Variants in SGCD observed in about 807,000 individuals in gnomAD.
SGCD encodes the protein delta-sarcoglycan.
A neutral mutation model predicts 36.6 loss-of-function variants in SGCD; 18 were observed. The ratio of observed to expected loss-of-function variants is 0.49; its 90% CI spans 0.34 to 0.73. The LOEUF (loss-of-function observed/expected upper bound fraction) is 0.73, where lower values mean the gene tolerates loss of function less well. Among genes scored for constraint, SGCD ranks in the 30% least tolerant of loss-of-function variants. The pLI is 0.01. For missense variants in SGCD, 387 were observed against 346.7 expected (o/e 1.12, Z -0.92); for synonymous variants, 133 against 130.6 (o/e 1.02, Z -0.12).
chr5:156,717,043 T>C (rs1435856799), intron 7 of SGCD, among the ~76,000 whole-genome samples: 1 of 152,266 alleles, frequency 6.6e-6, no homozygotes, highest in Non-Finnish European at 1.5e-5. Flanking sequence ...TTTCTCCTCA[T>C]GTGTGAAATT....
intron 3 of SGCD, among the ~76,000 whole-genome samples, chr5:156,370,769 A>G (rs927218895): frequency 6.6e-6 from 1 of 152,158 alleles, no homozygotes; most frequent in African/African-American, 2.4e-5. Context: ...CATGACATTA[A>G]TAGGAGCAAA....
chr5:156,622,093 T>A (rs1294562152), intron 6 of SGCD, among the ~76,000 whole-genome samples: 1 of 152,314 alleles, frequency 6.6e-6, no homozygotes, highest in Non-Finnish European at 1.5e-5. Flanking sequence ...CCAGGTAGAA[T>A]GTACAAGTAC....
chr5:155,973,838 A>T (rs368761530), intron 1 of SGCD, among the ~76,000 whole-genome samples: 1 of 152,288 alleles, frequency 6.6e-6, no homozygotes. Flanking sequence ...AAAATCACTC[A>T]TTTTGTCATT....
intron 3 of SGCD, among the ~76,000 whole-genome samples, chr5:156,260,813 T>C (rs1001015802): frequency 1.3e-5 from 2 of 152,172 alleles, no homozygotes; most frequent in African/African-American, 4.8e-5. Context: ...TTTAAATTTG[T>C]ATTTATTTTA....
chr5:156,756,877 T>TGCAGAAATGACAGCTGCATTGAAG, intron 7 of SGCD, among the ~76,000 whole-genome samples: 1 of 152,336 alleles, frequency 6.6e-6, no homozygotes, highest in South Asian at 2.1e-4. Flanking sequence ...CTCTCTGCAG[T>TGCAGAAATGACAGCTGCATTGAAG]GCAGAAATGA....
chr5:155,912,937 GAT>G (rs1366113121), intron 1 of SGCD, among the ~76,000 whole-genome samples: 1 of 152,066 alleles, frequency 6.6e-6, no homozygotes, highest in Admixed American at 6.6e-5. Flanking sequence ...TCTTTAGAAA[GAT>G]AACTTGCTGC....
At chr5:156,394,315 G>T (rs75708568) in intron 3 of SGCD, among the ~76,000 whole-genome samples, 5,216 of 152,262 alleles carry the variant, frequency 0.034, 293 homozygotes, top group African/African-American at 0.12. Flanking sequence ...ATTGAGTAAT[G>T]ATCTCTTCAG....
intron 1 of SGCD, among the ~76,000 whole-genome samples, chr5:155,991,295 G>A (rs1758427877): frequency 6.6e-6 from 1 of 152,136 alleles, no homozygotes; most frequent in African/African-American, 2.4e-5. Context: ...TCATTTAAAG[G>A]CTTTCACTGC....
chr5:156,317,386 A>T (rs1767546817), intron 3 of SGCD, among the ~76,000 whole-genome samples: 1 of 152,146 alleles, frequency 6.6e-6, no homozygotes, highest in Non-Finnish European at 1.5e-5. Context: ...TAATAACAGG[A>T]TCTTCTGATG....
At chr5:156,042,398 C>CT (rs918036252) in intron 1 of SGCD, among the ~76,000 whole-genome samples, 16 of 152,252 alleles carry the variant, frequency 1.1e-4, no homozygotes, top group African/African-American at 3.6e-4. Flanking sequence ...ACAGCCCATG[C>CT]TTAACAGTGA....
Position 156,185,183 on chromosome 5 carries a change from C to T in SGCD, c.-44+61164C>T, listed in dbSNP as rs542667974. On this transcript the variant is annotated intron_variant, in intron 3 of 9. Transcript: ENST00000517913. Reference sequence around the variant, plus strand: ...CAGTAAAATGACTGGCTTTGTTATACTGCATGCGTTTCTCCTTCCTTTAAT... The same window carrying T: ...CAGTAAAATGACTGGCTTTGTTATATTGCATGCGTTTCTCCTTCCTTTAAT... Among the ~76,000 whole-genome samples, 12 of 150,096 alleles carry T rather than the reference C, an allele frequency of 8.0e-5. No homozygotes were observed. The East Asian group carries it at 2.3e-3, about 29-fold the overall frequency.
At chr5:156,379,776 G>C (rs568958987) in intron 3 of SGCD, among the ~76,000 whole-genome samples, 1 of 152,136 alleles carries the variant, frequency 6.6e-6, no homozygotes, top group South Asian at 2.1e-4. Flanking sequence ...TTTTAAAGGA[G>C]AGTTAGTAGA....
chr5:155,890,911 A>G (rs1756114012), intron 1 of SGCD, among the ~76,000 whole-genome samples: 1 of 152,126 alleles, frequency 6.6e-6, no homozygotes, highest in South Asian at 2.1e-4. Context: ...TCATATGCCC[A>G]TACTGCTCTC....
intron 3 of SGCD, among the ~76,000 whole-genome samples, chr5:156,391,039 T>C (rs1489286079): frequency 1.3e-5 from 2 of 152,200 alleles, no homozygotes; most frequent in Non-Finnish European, 2.9e-5. Flanking sequence ...CACTCACCAC[T>C]CACTCGCTGA....
chr5:156,408,778 T>A (rs1255353988), intron 3 of SGCD, among the ~76,000 whole-genome samples: 11 of 152,232 alleles, frequency 7.2e-5, no homozygotes, highest in Admixed American at 7.2e-4. Context: ...ATATTTTGCC[T>A]TCTTTTCCAA....
chr5:155,867,985 G>C (rs575550751), upstream of SGCD, among the ~76,000 whole-genome samples: 20 of 152,248 alleles, frequency 1.3e-4, no homozygotes, highest in Middle Eastern at 3.4e-3. Flanking sequence ...AAACCAAGGA[G>C]TGGAAAATGT....
intron 3 of SGCD, among the ~76,000 whole-genome samples, chr5:156,404,704 A>G (rs1324130645): frequency 6.6e-6 from 1 of 152,232 alleles, no homozygotes; most frequent in Non-Finnish European, 1.5e-5. Flanking sequence ...CTGATGGAAA[A>G]AATGGGTTTG....
chr5:155,993,754 A>G (rs760370233), intron 1 of SGCD, among the ~76,000 whole-genome samples: 1 of 152,112 alleles, frequency 6.6e-6, no homozygotes, highest in Non-Finnish European at 1.5e-5. Context: ...TGTGGTTGCC[A>G]TGTGGGGGCC....
intron 3 of SGCD, among the ~76,000 whole-genome samples, chr5:156,206,935 C>A (rs1455242531): frequency 6.6e-6 from 1 of 152,012 alleles, no homozygotes; most frequent in Admixed American, 6.6e-5. Flanking sequence ...TGTTTACAGG[C>A]TCCAATATCA....
Sources: gnomAD v4.1 joint callset for allele counts (sites outside exome capture counted in the v4.1 genomes callset) on GRCh38, gnomAD v4.1.1 for gene constraint, MANE v1.5 for transcripts, NCBI Gene and HGNC (gene_info 2026-07-23, HGNC 2026-07-21) for gene names.